Variants in TTC28 observed in about 807,000 individuals in gnomAD.
TTC28 encodes tetratricopeptide repeat protein 28.
A neutral mutation model predicts 198.0 loss-of-function variants in TTC28; 61 were observed. That is an observed-to-expected ratio of 0.31 (90% confidence interval 0.25 to 0.38). The LOEUF is 0.38. TTC28 is among the 10% of genes least tolerant of loss of function. The probability of loss-of-function intolerance (pLI) is 1.00; values close to 1 mark genes in which losing one functional copy is unlikely to be tolerated. For synonymous variants in TTC28, 1,171 were observed against 1,297.8 expected, an observed-to-expected ratio of 0.90 and a Z score of 2.10; for missense variants, 2,678 against 3,164.0, an observed-to-expected ratio of 0.85 and a Z score of 3.69.
At chr22:28,591,944 A>G (rs1246137429) in intron 2 of TTC28, among the ~76,000 whole-genome samples, 1 of 152,158 alleles carries the variant, frequency 6.6e-6, no homozygotes, top group African/African-American at 2.4e-5. Flanking sequence ...TGAATAAAAG[A>G]TGGTAGAGGG....
intron 6 of TTC28, among the ~76,000 whole-genome samples, chr22:28,113,765 G>A (rs1160194892): frequency 6.6e-6 from 1 of 152,182 alleles, no homozygotes; most frequent in Non-Finnish European, 1.5e-5. Flanking sequence ...AGCAAAATGT[G>A]GAAAACTGGG....
chr22:28,246,236 T>C (rs1930086739), intron 5 of TTC28, among the ~76,000 whole-genome samples: 3 of 152,188 alleles, frequency 2.0e-5, no homozygotes, highest in South Asian at 2.1e-4. Context: ...TTCCACTTAC[T>C]GAGTAGATCA....
At chr22:28,220,429 G>T (rs8137042) in intron 5 of TTC28, among the ~76,000 whole-genome samples, 1 of 152,206 alleles carries the variant, frequency 6.6e-6, no homozygotes, top group African/African-American at 2.4e-5. Flanking sequence ...TTCTCATGTG[G>T]AGGCTTAATT....
intron 2 of TTC28, among the ~76,000 whole-genome samples, chr22:28,517,486 A>G (rs2048812080): frequency 6.6e-6 from 1 of 152,220 alleles, no homozygotes; most frequent in Non-Finnish European, 1.5e-5. Flanking sequence ...TCTTTACAAA[A>G]GATAGTCAGG....
At chr22:28,001,799 G>C (rs1385290692) in intron 14 of TTC28, 7 of 528,156 alleles carry the variant, frequency 1.3e-5, no homozygotes, top group Admixed American at 6.1e-5. Flanking sequence ...TCCTGAGAAG[G>C]TTAGAGGACA....
intron 12 of TTC28, among the ~76,000 whole-genome samples, chr22:28,086,527 C>T: frequency 6.6e-6 from 1 of 152,068 alleles, no homozygotes; most frequent in East Asian, 1.9e-4. Context: ...TGTAGAGGGA[C>T]ATTTATAGCA....
At chr22:28,138,325 G>A (rs1943250080) in intron 6 of TTC28, among the ~76,000 whole-genome samples, 1 of 152,140 alleles carries the variant, frequency 6.6e-6, no homozygotes, top group Non-Finnish European at 1.5e-5. Context: ...GGGATGCACT[G>A]CTAGACTCTT....
intron 2 of TTC28, among the ~76,000 whole-genome samples, chr22:28,462,921 A>G (rs2047969106): frequency 6.6e-6 from 1 of 152,208 alleles, no homozygotes; most frequent in African/African-American, 2.4e-5. Context: ...AGATTAGGCA[A>G]TGAATATTTG....
At chr22:28,465,725 T>C (rs908344605) in intron 2 of TTC28, among the ~76,000 whole-genome samples, 1 of 152,208 alleles carries the variant, frequency 6.6e-6, no homozygotes, top group African/African-American at 2.4e-5. Context: ...GGGAGACGTT[T>C]AATTTTCTCT....
chr22:28,531,480 G>C (rs1171819016), intron 2 of TTC28, among the ~76,000 whole-genome samples: 3 of 152,128 alleles, frequency 2.0e-5, no homozygotes, highest in African/African-American at 7.2e-5. Context: ...ACACCCCACT[G>C]TCAACATTAA....
intron 6 of TTC28, among the ~76,000 whole-genome samples, chr22:28,125,689 T>C (rs1277792505): frequency 2.0e-5 from 3 of 152,248 alleles, no homozygotes; most frequent in African/African-American, 7.2e-5. Context: ...AAAGATCTGC[T>C]TGAAAAAGAA....
chr22:28,218,696 A>G (rs1927603230), intron 5 of TTC28, among the ~76,000 whole-genome samples: 1 of 152,164 alleles, frequency 6.6e-6, no homozygotes, highest in Non-Finnish European at 1.5e-5. Flanking sequence ...TACCCATTTA[A>G]TCACTGCAAA....
intron 2 of TTC28, among the ~76,000 whole-genome samples, chr22:28,386,514 C>G (rs546538122): frequency 6.6e-6 from 1 of 152,190 alleles, no homozygotes; most frequent in Non-Finnish European, 1.5e-5. Context: ...ACTATACAAT[C>G]ACAAGTTACT....
chr22:28,644,945 A>C (rs1388152677), intron 1 of TTC28, among the ~76,000 whole-genome samples: 1 of 152,128 alleles, frequency 6.6e-6, no homozygotes, highest in African/African-American at 2.4e-5. Context: ...GGAGATCAAG[A>C]CCATCCTGGC....
At chr22:28,634,338 C>T (rs1404619109) in intron 1 of TTC28, among the ~76,000 whole-genome samples, 2 of 151,752 alleles carry the variant, frequency 1.3e-5, no homozygotes, top group African/African-American at 4.8e-5. Context: ...GATAAAACCC[C>T]GTCTCTATTA....
chr22:28,586,451 C>T (rs1487469350), intron 2 of TTC28, among the ~76,000 whole-genome samples: 1 of 151,672 alleles, frequency 6.6e-6, no homozygotes, highest in Non-Finnish European at 1.5e-5. Flanking sequence ...ACCGATGGGG[C>T]AAGACTCCAT....
intron 14 of TTC28, among the ~76,000 whole-genome samples, chr22:28,004,058 T>C (rs1371332211): frequency 2.0e-5 from 3 of 152,196 alleles, no homozygotes; most frequent in Non-Finnish European, 2.9e-5. Context: ...AAACTCAGTA[T>C]TGTCAAATGT....
intron 2 of TTC28, among the ~76,000 whole-genome samples, chr22:28,473,877 T>TA (rs2048129310): frequency 6.6e-6 from 1 of 152,138 alleles, no homozygotes; most frequent in Non-Finnish European, 1.5e-5. Context: ...GCAGACCATC[T>TA]AAAAGCCAAA....
intron 12 of TTC28, among the ~76,000 whole-genome samples, chr22:28,044,163 T>C (rs941816976): frequency 6.6e-6 from 1 of 152,232 alleles, no homozygotes; most frequent in Non-Finnish European, 1.5e-5. Flanking sequence ...GAAATGCTTA[T>C]ATTTGAATGA....
Sources: gnomAD v4.1 joint callset for allele counts (sites outside exome capture counted in the v4.1 genomes callset) on GRCh38, gnomAD v4.1.1 for gene constraint, MANE v1.5 for transcripts, NCBI Gene and HGNC (gene_info 2026-07-23, HGNC 2026-07-21) for gene names.